The following RAPGEF1 variants were observed in gnomAD, a reference collection of about 807,000 sequenced individuals.
RAPGEF1 encodes the protein CRK SH3-binding GNRP.
In RAPGEF1, 33 loss-of-function variants were observed where a neutral mutation model predicts 143.3. The ratio of observed to expected loss-of-function variants is 0.23; its 90% CI spans 0.17 to 0.31. The LOEUF (loss-of-function observed/expected upper bound fraction) is 0.31, where lower values mean the gene tolerates loss of function less well. RAPGEF1 is among the 10% of genes least tolerant of loss of function. RAPGEF1 has a pLI of 1.00. For missense variants in RAPGEF1, 1,199 were observed against 1,645.4 expected, an observed-to-expected ratio of 0.73 and a Z score of 4.69; for synonymous variants, 629 against 676.5, an observed-to-expected ratio of 0.93 and a Z score of 1.09.
intron 1 of RAPGEF1, among the ~76,000 whole-genome samples, chr9:131,671,559 G>A (rs1831395570): frequency 6.6e-6 from 1 of 152,238 alleles, no homozygotes; most frequent in African/African-American, 2.4e-5. Context: ...CTGCACTCAG[G>A]TGGTCTATAA....
chr9:131,737,555 G>A, intron 1 of RAPGEF1: 1 of 1,598,338 alleles, frequency 6.3e-7, no homozygotes, highest in Non-Finnish European at 8.5e-7. Flanking sequence ...GACAAACTAT[G>A]CTGAAATGAA....
rs1953243794 is a variant in RAPGEF1 at position 131,587,197 on chromosome 9, C to A, written c.3233+539G>T. ...ACTCCGTCTCAAACACACACACACA[C>A]CTGCAGAGCGAGACTCCGTCTCAAA... is the stretch of plus-strand genomic sequence containing the variant. On this transcript the variant is annotated intron_variant, in intron 22 of 26. Transcript: ENST00000683357. Among the ~76,000 whole-genome samples the A allele has an allele frequency of 1.5e-5, 2 of 133,908 alleles. 1 individual carries two copies. Among genetic ancestry groups the A allele is most frequent in the African/African-American group, 5.9e-5 (2 of 33,908 alleles). The allele number at this position is 133,908 out of a possible 152,430, so 87.8% of individuals were successfully genotyped here.
At chr9:131,698,716 TG>T (rs1344367602) in intron 1 of RAPGEF1, among the ~76,000 whole-genome samples, 1 of 152,218 alleles carries the variant, frequency 6.6e-6, no homozygotes, top group Non-Finnish European at 1.5e-5. Flanking sequence ...GCCTCAGGGC[TG>T]CCCCCCTTCC....
Position 131,708,381 on chromosome 9 carries a change from G to A in RAPGEF1, c.61+31389C>T, listed in dbSNP as rs546080593. ...TCCTGGGTCAATAACTGTGATAAAA[G>A]GCCGCTGAGTGCGTCAACAGACTGT... On this transcript the variant is annotated intron_variant, in intron 1 of 26. Transcript: ENST00000683357. Among the ~76,000 whole-genome samples the A allele has an allele frequency of 2.6e-5, 4 of 152,312 alleles. No individual in the cohort carries two copies. The South Asian group carries it at 8.3e-4, about 32-fold the overall frequency.
intron 1 of RAPGEF1, among the ~76,000 whole-genome samples, chr9:131,731,536 T>C (rs536511385): frequency 6.6e-6 from 1 of 152,348 alleles, no homozygotes; most frequent in South Asian, 2.1e-4. Context: ...TCTCATTCCA[T>C]GTCCTTCCTT....
intron 1 of RAPGEF1, among the ~76,000 whole-genome samples, chr9:131,689,780 C>T (rs1032065988): frequency 2.0e-5 from 3 of 152,174 alleles, no homozygotes; most frequent in Admixed American, 6.5e-5. Flanking sequence ...TCAGGCAATC[C>T]GACCGCCTCG....
At chr9:131,730,912 G>A (rs1159618100) in intron 1 of RAPGEF1, among the ~76,000 whole-genome samples, 2 of 152,078 alleles carry the variant, frequency 1.3e-5, no homozygotes, top group Admixed American at 6.5e-5. Context: ...GAATCCTCAG[G>A]ATGATGGGGT....
chr9:131,677,660 C>A (rs1588976901), intron 1 of RAPGEF1, among the ~76,000 whole-genome samples: 1 of 152,170 alleles, frequency 6.6e-6, no homozygotes, highest in Non-Finnish European at 1.5e-5. Context: ...ACCAAACTAC[C>A]ATAATATTAA....
At position 131,627,914 on chromosome 9, in the gene RAPGEF1, T is replaced by G; in HGVS notation, c.1200A>C (p.Leu400=). ...QCSRNTSCET[L]DHYDPDYEFL... Reference sequence around the variant, plus strand: ...AACAGGAGGATGGTGGCGGCTCACCTAGTGTTTCACAGCTTGTGTTCCGGG... The same window carrying G: ...AACAGGAGGATGGTGGCGGCTCACCGAGTGTTTCACAGCTTGTGTTCCGGG... The change falls in exon 9 of 27, where the codon CTA becomes CTC. Residue 400 remains leucine, a splice_region_variant and synonymous_variant. Coordinates refer to ENST00000683357, the MANE Select transcript of RAPGEF1 (RefSeq NM_001377935.1). 1 of 1,579,312 alleles carries G rather than the reference T, an allele frequency of 6.3e-7. No homozygotes were observed. The highest frequency in any genetic ancestry group is 8.6e-7 in the Non-Finnish European group (1 of 1,162,978).
intron 1 of RAPGEF1, among the ~76,000 whole-genome samples, chr9:131,700,052 G>T (rs539754681): frequency 1.3e-5 from 2 of 152,238 alleles, no homozygotes; most frequent in East Asian, 3.9e-4. Context: ...TGCCACTGAA[G>T]CTCTCCTGCT....
intron 14 of RAPGEF1, among the ~76,000 whole-genome samples, chr9:131,603,110 G>A (rs2132483272): frequency 6.6e-6 from 1 of 152,300 alleles, no homozygotes; most frequent in South Asian, 2.1e-4. Context: ...ACCTGCTAAT[G>A]TCTGAAACAG....
At chr9:131,591,962 T>C in intron 18 of RAPGEF1, 137 bp downstream of exon 18, 1 of 616,644 alleles carries the variant, frequency 1.6e-6, no homozygotes, top group South Asian at 2.2e-5. Context: ...TCCATGGGGC[T>C]CCTGTGTCCC....
chr9:131,651,230 G>A (rs1241697316), intron 1 of RAPGEF1, among the ~76,000 whole-genome samples: 1 of 152,216 alleles, frequency 6.6e-6, no homozygotes, highest in African/African-American at 2.4e-5. Context: ...TTTGTGTGAT[G>A]ATCTAACTAA....
intron 1 of RAPGEF1, chr9:131,709,630 G>A: frequency 1.2e-6 from 2 of 1,613,874 alleles, no homozygotes; most frequent in South Asian, 1.1e-5. Flanking sequence ...CTTGTTTCCA[G>A]GGGTACAGAT....
At chr9:131,638,515 C>T in intron 5 of RAPGEF1, 120 bp downstream of exon 5, 1 of 1,166,276 alleles carries the variant, frequency 8.6e-7, no homozygotes, top group Non-Finnish European at 1.2e-6. Flanking sequence ...GCACCAACAC[C>T]AGAGACGCAG....
intron 1 of RAPGEF1, among the ~76,000 whole-genome samples, chr9:131,701,088 T>C (rs1289922929): frequency 1.3e-5 from 2 of 152,086 alleles, no homozygotes; most frequent in African/African-American, 2.4e-5. Flanking sequence ...TCAAGTGCCT[T>C]AGAAGCAATC....
chr9:131,577,622 A>G lies in RAPGEF1; in HGVS notation c.*1875T>C, dbSNP rs1951351664. ...TCACACGCGCACAGCAGCATTCAAC[A>G]GAGCTGGGCAAGGGAAGGGGAGAGA... On this transcript the variant is annotated 3_prime_UTR_variant, in exon 27 of 27. Transcript: ENST00000683357. 1.3e-5 allele frequency: 2 copies of G among 152,314 alleles called. No homozygotes were observed. Among genetic ancestry groups the G allele is most frequent in the African/African-American group, 4.8e-5 (2 of 41,466 alleles). The allele number at this position is 152,314 out of a possible 1,614,324, so 9.4% of individuals were successfully genotyped here. A position where few individuals can be genotyped will look rare whatever the true frequency, so the allele number is the denominator to read the frequency against.
At chr9:131,722,497 A>T (rs1416254626) in intron 1 of RAPGEF1, among the ~76,000 whole-genome samples, 1 of 152,212 alleles carries the variant, frequency 6.6e-6, no homozygotes, top group Admixed American at 6.5e-5. Flanking sequence ...CTTTACTAAC[A>T]GCCGACATGA....
intron 1 of RAPGEF1, among the ~76,000 whole-genome samples, chr9:131,672,582 G>A (rs1831583997): frequency 6.6e-6 from 1 of 152,234 alleles, no homozygotes; most frequent in South Asian, 2.1e-4. Flanking sequence ...TGAGGGAACC[G>A]GTTGAGCTAT....
Sources: allele counts gnomAD v4.1 joint callset (sites outside exome capture counted in the v4.1 genomes callset), GRCh38; gene constraint gnomAD v4.1.1; transcripts MANE v1.5; gene names NCBI Gene and HGNC (gene_info 2026-07-23, HGNC 2026-07-21).